TLL2: variants seen among roughly 807,000 people sequenced by gnomAD.
The protein encoded by TLL2 is tolloid like 2.
A neutral mutation model predicts 123.0 loss-of-function variants in TLL2; 106 were observed. The ratio of observed to expected loss-of-function variants is 0.86; its 90% CI spans 0.74 to 1.01. The LOEUF (loss-of-function observed/expected upper bound fraction) is 1.01, where lower values mean the gene tolerates loss of function less well. Among genes scored for constraint, TLL2 ranks in the 50% least tolerant of loss-of-function variants. The probability of loss-of-function intolerance (pLI) is 0.00; values close to 1 mark genes in which losing one functional copy is unlikely to be tolerated. For missense variants in TLL2, 1,332 were observed against 1,336.7 expected, an observed-to-expected ratio of 1.00 and a Z score of 0.06; for synonymous variants, 494 against 516.8, an observed-to-expected ratio of 0.96 and a Z score of 0.60.
Position 96,395,934 on chromosome 10 carries a change from C to G in TLL2, c.1471G>C (p.Val491Leu). 1 of 1,614,222 alleles carries G rather than the reference C, an allele frequency of 6.2e-7. No individual in the cohort carries two copies. The highest frequency in any genetic ancestry group is 8.5e-7 in the Non-Finnish European group (1 of 1,180,038). ...PDDYRPSKEC[V>L]WRITVSEGFH... ...CCCTCTGAAACCGTAATCCTCCAGA[C>G]ACATTCCTTGGAAGGTCTGTAGTCA... The change falls in exon 12 of 21, where the codon GTC becomes CTC. Residue 491 changes from valine (V) to leucine (L), a missense_variant. Coordinates refer to ENST00000357947, the MANE Select transcript of TLL2 (RefSeq NM_012465.4).
chr10:96,381,332 T>C (rs980868266), intron 16 of TLL2, among the ~76,000 whole-genome samples: 3 of 152,158 alleles, frequency 2.0e-5, no homozygotes, highest in African/African-American at 7.2e-5. Context: ...TTTCATCGGG[T>C]CCCTACTCTT....
intron 3 of TLL2, among the ~76,000 whole-genome samples, chr10:96,433,776 TTTTG>T (rs1041493350): frequency 1.3e-5 from 2 of 152,154 alleles, no homozygotes; most frequent in African/African-American, 4.8e-5. Flanking sequence ...TTTTCTTTGT[TTTTG>T]TTTGTTTGTT....
At chr10:96,486,716 C>A (rs1169698470) in intron 1 of TLL2, among the ~76,000 whole-genome samples, 2 of 152,232 alleles carry the variant, frequency 1.3e-5, no homozygotes, top group African/African-American at 2.4e-5. Flanking sequence ...CTCCCTTGAA[C>A]CATCTGTAGA....
At chr10:96,379,772 A>T (rs1846169708) in intron 16 of TLL2, among the ~76,000 whole-genome samples, 1 of 152,264 alleles carries the variant, frequency 6.6e-6, no homozygotes, top group Admixed American at 6.5e-5. Flanking sequence ...CAGTGAGCAG[A>T]GATCGCGCCA....
intron 7 of TLL2, among the ~76,000 whole-genome samples, chr10:96,418,295 T>C (rs1034276315): frequency 6.6e-6 from 1 of 152,252 alleles, no homozygotes; most frequent in Non-Finnish European, 1.5e-5. Context: ...CTGCATCCTG[T>C]CCTGGCCTCT....
At chr10:96,417,034 A>C (rs1589417341) in intron 7 of TLL2, among the ~76,000 whole-genome samples, 1 of 152,222 alleles carries the variant, frequency 6.6e-6, no homozygotes. Flanking sequence ...GAACTGCAAT[A>C]AACTAGAGAG....
chr10:96,476,240 A>ATTTTTTT (rs1554939630), intron 2 of TLL2, among the ~76,000 whole-genome samples: 1 of 20,498 alleles, frequency 4.9e-5, no homozygotes, highest in Admixed American at 5.2e-4. Context: ...ATATATATAT[A>ATTTTTTT]TTTTATTTTT....
intron 2 of TLL2, among the ~76,000 whole-genome samples, chr10:96,454,292 C>T (rs1564910387): frequency 6.6e-6 from 1 of 152,244 alleles, no homozygotes; most frequent in African/African-American, 2.4e-5. Context: ...CTCCCATTCT[C>T]TAGTCAAGAT....
At chr10:96,471,345 C>T (rs906533539) in intron 2 of TLL2, among the ~76,000 whole-genome samples, 1 of 152,250 alleles carries the variant, frequency 6.6e-6, no homozygotes, top group South Asian at 2.1e-4. Context: ...TCAGAGATTT[C>T]CCATGTGCTG....
chr10:96,392,027 C>T (rs186554854), intron 13 of TLL2, among the ~76,000 whole-genome samples: 217 of 152,350 alleles, frequency 1.4e-3, no homozygotes, highest in Middle Eastern at 0.014. Context: ...AATGTCATCG[C>T]GCATTTGCTG....
At chr10:96,485,979 G>GA (rs869150842) in intron 1 of TLL2, among the ~76,000 whole-genome samples, 1 of 2,728 alleles carries the variant, frequency 3.7e-4, no homozygotes, top group African/African-American at 1.3e-3. Flanking sequence ...GAGAGAAGCA[G>GA]GGGGTGGGAG....
At chr10:96,501,041 G>C (rs1847529156) in intron 1 of TLL2, among the ~76,000 whole-genome samples, 1 of 152,096 alleles carries the variant, frequency 6.6e-6, no homozygotes, top group South Asian at 2.1e-4. Flanking sequence ...TTCAGGAGAA[G>C]AAAAATGTTG....
intron 3 of TLL2, among the ~76,000 whole-genome samples, chr10:96,438,900 A>T (rs992814015): frequency 2.0e-5 from 3 of 151,948 alleles, no homozygotes; most frequent in Non-Finnish European, 4.4e-5. Flanking sequence ...TTTCTTCATC[A>T]ATTGCTGTGA....
chr10:96,491,382 CAAAAA>C (rs56077935), intron 1 of TLL2, among the ~76,000 whole-genome samples: 2 of 129,784 alleles, frequency 1.5e-5, no homozygotes, highest in Admixed American at 1.6e-4. Context: ...AACTCTGTCT[CAAAAA>C]AAAAAAAAAA....
rs888509439 is a variant in TLL2, at chr10:96,421,139, G to T, written c.818-78C>A. On this transcript the variant is annotated intron_variant, in intron 6 of 20. Coordinates refer to ENST00000357947, the MANE Select transcript of TLL2 (RefSeq NM_012465.4). ...AGGAGGCAGAGGAAGGAGAAGGAGGGCCCATAACAACTTCCCAGGGCTCTC... is the reference window on the plus strand; with the variant it reads ...AGGAGGCAGAGGAAGGAGAAGGAGGTCCCATAACAACTTCCCAGGGCTCTC... The T allele has an allele frequency of 3.9e-5, 43 of 1,092,056 alleles. No homozygotes were observed. The African/African-American group carries it at 6.6e-4, about 17-fold the overall frequency. The allele number at this position is 1,092,056 out of a possible 1,614,324, so 67.6% of individuals were successfully genotyped here.
At chr10:96,373,857 G>T (rs751982822) in intron 18 of TLL2, 48 bp from the exon 19 acceptor site, 1 of 1,564,764 alleles carries the variant, frequency 6.4e-7, no homozygotes, top group Non-Finnish European at 8.7e-7. Flanking sequence ...GCGTTCAGCT[G>T]GGGTGGGGGC....
At chr10:96,425,510 T>TC (rs1242367346) in intron 5 of TLL2, among the ~76,000 whole-genome samples, 1 of 149,074 alleles carries the variant, frequency 6.7e-6, no homozygotes, top group Non-Finnish European at 1.5e-5. Context: ...TATTTTTACT[T>TC]TTTTTTTTTA....
intron 2 of TLL2, among the ~76,000 whole-genome samples, chr10:96,468,915 A>G (rs1163324057): frequency 6.6e-6 from 1 of 152,226 alleles, no homozygotes; most frequent in Admixed American, 6.5e-5. Flanking sequence ...CAGCCCCTGA[A>G]TGAGGCCCTG....
chr10:96,481,882 AG>A (rs1847314776), intron 1 of TLL2, among the ~76,000 whole-genome samples: 1 of 152,246 alleles, frequency 6.6e-6, no homozygotes, highest in Non-Finnish European at 1.5e-5. Context: ...AAGAAAGCTG[AG>A]AACTTCGAGT....
Sources: gnomAD v4.1 joint callset for allele counts (sites outside exome capture counted in the v4.1 genomes callset) on GRCh38, gnomAD v4.1.1 for gene constraint, MANE v1.5 for transcripts, NCBI Gene and HGNC (gene_info 2026-07-23, HGNC 2026-07-21) for gene names.